MAP3K20: variants seen among roughly 807,000 people sequenced by gnomAD.
MAP3K20 encodes the protein mitogen-activated protein kinase kinase kinase 20.
Under a neutral mutation model 85.7 loss-of-function variants are expected in MAP3K20, and 40 were observed. The ratio of observed to expected loss-of-function variants is 0.47; its 90% CI spans 0.36 to 0.61. MAP3K20 has a LOEUF of 0.61. MAP3K20 is among the 20% of genes least tolerant of loss of function. The pLI, the probability that MAP3K20 is intolerant of heterozygous loss-of-function variation, is 0.00. For missense variants in MAP3K20, 817 were observed against 961.7 expected, an observed-to-expected ratio of 0.85 and a Z score of 1.99; for synonymous variants, 325 against 327.7, an observed-to-expected ratio of 0.99 and a Z score of 0.09.
rs748169515 is a variant in MAP3K20 at position 173,219,795 on chromosome 2, G to A, written c.987+2545G>A. ...AAAAATTAGGAAATTGAGGCCAGGC[G>A]CAGTGGCTCACACCTGTAAACCCAG... On this transcript the variant is annotated intron_variant, in intron 11 of 19. Transcript: ENST00000375213. Among the ~76,000 whole-genome samples the A allele has an allele frequency of 3.0e-4, 46 of 152,068 alleles. 1 individual carries two copies. The highest frequency in any genetic ancestry group is 8.8e-5 in the Non-Finnish European group (6 of 68,018).
intron 16 of MAP3K20, among the ~76,000 whole-genome samples, chr2:173,252,345 G>A (rs559682655): frequency 6.6e-4 from 100 of 152,300 alleles, no homozygotes; most frequent in African/African-American, 2.3e-3. Flanking sequence ...TTGGCCAGTA[G>A]TCTTAATTCA....
intron 18 of MAP3K20, 135 bp downstream of exon 18, chr2:173,261,272 A>G: frequency 2.5e-6 from 2 of 794,894 alleles, no homozygotes; most frequent in Non-Finnish European, 1.9e-6. Flanking sequence ...ACCAACCAAC[A>G]TGAACATAGG....
intron 16 of MAP3K20, among the ~76,000 whole-genome samples, chr2:173,243,797 G>T (rs185740024): frequency 6.6e-6 from 1 of 152,008 alleles, no homozygotes; most frequent in Non-Finnish European, 1.5e-5. Flanking sequence ...CTAATTTTTG[G>T]TATTTTTAGT....
intron 2 of MAP3K20, among the ~76,000 whole-genome samples, chr2:173,101,278 CCTT>C (rs1040715638): frequency 1.1e-4 from 16 of 152,258 alleles, no homozygotes; most frequent in African/African-American, 3.9e-4. Context: ...AGCCCCTAAT[CCTT>C]CTTATGTTTG....
intron 14 of MAP3K20, among the ~76,000 whole-genome samples, chr2:173,236,161 G>T (rs919560023): frequency 2.6e-5 from 4 of 151,642 alleles, no homozygotes; most frequent in African/African-American, 9.7e-5. Flanking sequence ...CCAGCTACCT[G>T]GGAGGTTGAG....
intron 9 of MAP3K20, among the ~76,000 whole-genome samples, chr2:173,206,695 T>C (rs1683697553): frequency 6.6e-6 from 1 of 152,196 alleles, no homozygotes; most frequent in Non-Finnish European, 1.5e-5. Flanking sequence ...AGACATATTT[T>C]CTTCCTAGAT....
At chr2:173,095,152 A>G (rs768184897) in intron 2 of MAP3K20, among the ~76,000 whole-genome samples, 4 of 152,134 alleles carry the variant, frequency 2.6e-5, no homozygotes, top group Non-Finnish European at 5.9e-5. Context: ...AGTGTTATTC[A>G]TTTTCATGCT....
At chr2:173,075,768 C>T (rs1308999800), upstream of MAP3K20, 2 of 985,378 alleles carry the variant, frequency 2.0e-6, no homozygotes, top group Non-Finnish European at 2.4e-6. Context: ...ACGCCCCGCT[C>T]GCCCGCGCGT....
At chr2:173,248,126 T>C (rs1304252752) in intron 16 of MAP3K20, among the ~76,000 whole-genome samples, 1 of 152,194 alleles carries the variant, frequency 6.6e-6, no homozygotes, top group African/African-American at 2.4e-5. Flanking sequence ...TTTAGTAGTA[T>C]AATGAGGCAA....
chr2:173,222,142 G>A (rs1684269474), intron 11 of MAP3K20: 61 of 927,478 alleles, frequency 6.6e-5, no homozygotes, highest in Non-Finnish European at 7.7e-5. Context: ...ATCAGTCAGG[G>A]CTGCAGTGAG....
At chr2:173,165,595 T>C (rs1057309906) in intron 2 of MAP3K20, among the ~76,000 whole-genome samples, 26 of 152,230 alleles carry the variant, frequency 1.7e-4, no homozygotes, top group Non-Finnish European at 2.9e-5. Flanking sequence ...GAATACCATT[T>C]TTTAAACTTT....
chr2:173,220,955 C>T (rs1336006513), intron 11 of MAP3K20, among the ~76,000 whole-genome samples: 1 of 152,142 alleles, frequency 6.6e-6, no homozygotes, highest in African/African-American at 2.4e-5. Context: ...TTTATCCTGT[C>T]ATTCATAAAT....
At chr2:173,208,044 G>C (rs1291657310) in intron 9 of MAP3K20, among the ~76,000 whole-genome samples, 1 of 152,074 alleles carries the variant, frequency 6.6e-6, no homozygotes. Flanking sequence ...AGCTCTTCCT[G>C]CTGCTTTTCC....
chr2:173,189,883 T>C (rs1171159921), intron 5 of MAP3K20, among the ~76,000 whole-genome samples: 1 of 152,208 alleles, frequency 6.6e-6, no homozygotes, highest in Non-Finnish European at 1.5e-5. Flanking sequence ...TCCTGTCCTT[T>C]GCCACTGCCT....
At chr2:173,115,223 A>G (rs1688084471) in intron 2 of MAP3K20, among the ~76,000 whole-genome samples, 1 of 151,992 alleles carries the variant, frequency 6.6e-6, no homozygotes, top group Non-Finnish European at 1.5e-5. Flanking sequence ...GAGCATTTCA[A>G]ATTTCTAAAA....
intron 2 of MAP3K20, among the ~76,000 whole-genome samples, chr2:173,094,139 T>TA (rs895152238): frequency 4.0e-5 from 6 of 151,848 alleles, no homozygotes; most frequent in African/African-American, 1.5e-4. Context: ...TAAAGTATAA[T>TA]AAAAAAAAAT....
intron 16 of MAP3K20, among the ~76,000 whole-genome samples, chr2:173,251,386 C>T (rs1331765387): frequency 6.6e-6 from 1 of 152,082 alleles, no homozygotes; most frequent in Non-Finnish European, 1.5e-5. Context: ...ATTTGGCATG[C>T]GTGGACTTGA....
chr2:173,101,260 C>T (rs1199453994), intron 2 of MAP3K20, among the ~76,000 whole-genome samples: 1 of 152,130 alleles, frequency 6.6e-6, no homozygotes, highest in Non-Finnish European at 1.5e-5. Context: ...GTTTTATTTG[C>T]AAGCCAAAGC....
intron 3 of MAP3K20, among the ~76,000 whole-genome samples, chr2:173,174,698 T>G (rs1021185835): frequency 1.2e-4 from 18 of 152,234 alleles, no homozygotes; most frequent in Admixed American, 9.8e-4. Context: ...GTAGAATGAT[T>G]TATAATCCTT....
Sources: gnomAD v4.1 joint callset for allele counts (sites outside exome capture counted in the v4.1 genomes callset) on GRCh38, gnomAD v4.1.1 for gene constraint, MANE v1.5 for transcripts, NCBI Gene and HGNC (gene_info 2026-07-23, HGNC 2026-07-21) for gene names.